The following PSG2 variants were observed in gnomAD, a reference collection of about 807,000 sequenced individuals.
PSG2 encodes pregnancy specific beta-1-glycoprotein 2.
Under a neutral mutation model 36.2 loss-of-function variants are expected in PSG2, and 49 were observed. The ratio of observed to expected loss-of-function variants is 1.35; its 90% CI spans 1.08 to 1.72. The LOEUF is 1.72. Among genes scored for constraint, PSG2 ranks in the 40% most tolerant of loss-of-function variants. The probability of loss-of-function intolerance (pLI) is 0.00; values close to 1 mark genes in which losing one functional copy is unlikely to be tolerated. For synonymous variants in PSG2, 261 were observed against 155.6 expected, an observed-to-expected ratio of 1.68 and a Z score of -5.04; for missense variants, 605 against 407.2, an observed-to-expected ratio of 1.49 and a Z score of -4.18.
chr19:43,079,322 A>G (rs1967938695), intron 2 of PSG2, among the ~76,000 whole-genome samples: 1 of 151,464 alleles, frequency 6.6e-6, no homozygotes. Context: ...AAAGAGCTTC[A>G]GAGTTACATG....
At chr19:43,077,602 A>G (rs1451650223) in intron 2 of PSG2, among the ~76,000 whole-genome samples, 4 of 151,702 alleles carry the variant, frequency 2.6e-5, no homozygotes, top group South Asian at 4.2e-4. Context: ...TCATGAGGAA[A>G]CACTTGTGTG....
intron 3 of PSG2, among the ~76,000 whole-genome samples, chr19:43,072,818 C>T (rs1051580928): frequency 6.6e-5 from 10 of 151,768 alleles, no homozygotes; most frequent in South Asian, 2.1e-4. Context: ...GCCGCCTGCT[C>T]TGTCTTAGGA....
intron 3 of PSG2, 120 bp from the exon 4 acceptor site, chr19:43,072,074 C>T (rs951864095): frequency 2.1e-6 from 3 of 1,445,776 alleles, no homozygotes; most frequent in African/African-American, 2.9e-5. Flanking sequence ...CCAGCAAAAC[C>T]CCCTCTATGT....
intron 2 of PSG2, among the ~76,000 whole-genome samples, chr19:43,077,831 A>G (rs1599710052): frequency 6.6e-6 from 1 of 151,706 alleles, no homozygotes; most frequent in East Asian, 1.9e-4. Flanking sequence ...TTCCTGTTTC[A>G]GTTTTGGAAA....
chr19:43,067,748 G>T (rs1483814175), intron 4 of PSG2, among the ~76,000 whole-genome samples: 2 of 151,294 alleles, frequency 1.3e-5, no homozygotes, highest in Non-Finnish European at 2.9e-5. Context: ...GTGGCATCTT[G>T]TTTCATTGAC....
chr19:43,072,350 C>T lies in PSG2; in HGVS notation c.710-396G>A, dbSNP rs573040639. 3 of 1,612,438 alleles carry T rather than the reference C, an allele frequency of 1.9e-6. No homozygotes were observed. In the South Asian group the frequency reaches 3.3e-5, roughly 18 times the overall value. On this transcript the variant is annotated intron_variant, in intron 3 of 5. Coordinates refer to ENST00000406487, the MANE Select transcript of PSG2 (RefSeq NM_031246.4). ...CTGGCCCACAGAGGAACAAAAGATA[C>T]AGAGGACATTCAGGGTGACTGGGTC...
rs148678692 is a variant in PSG2, at chr19:43,078,879, G to A, written c.430+2002C>T. Reference sequence around the variant, plus strand: ...CTTCCTATCCCTGTCCCATGGTCTTGTCCACAGGTCAGCCTCACAAAGGGG... The same window carrying A: ...CTTCCTATCCCTGTCCCATGGTCTTATCCACAGGTCAGCCTCACAAAGGGG... On this transcript the variant is annotated intron_variant, in intron 2 of 5. Coordinates refer to ENST00000406487, the MANE Select transcript of PSG2 (RefSeq NM_031246.4). Among the ~76,000 whole-genome samples, 36 of 151,728 alleles carry A rather than the reference G, an allele frequency of 2.4e-4. No individual in the cohort carries two copies. The East Asian group carries it at 6.0e-3, about 25-fold the overall frequency.
At chr19:43,076,099 A>G (rs1406590477) in intron 2 of PSG2, among the ~76,000 whole-genome samples, 13 of 151,554 alleles carry the variant, frequency 8.6e-5, no homozygotes, top group Non-Finnish European at 1.8e-4. Context: ...TTGTCTTTAA[A>G]CCCTTTGGGT....
Position 43,080,881 on chromosome 19 carries a change from G to A in PSG2, c.430C>T (p.Leu144=), listed in dbSNP as rs763141119. The A allele has an allele frequency of 1.9e-5, 30 of 1,611,822 alleles. No homozygotes were observed. Among genetic ancestry groups the A allele is most frequent in the African/African-American group, 5.4e-5 (4 of 74,254 alleles). Residue 144 remains leucine, a splice_region_variant and synonymous_variant, in exon 2 of 6, where the codon CTG becomes TTG. Transcript: ENST00000406487. ...VTGYFTFTLY[L]ETPKPSISSS... The stretch of plus-strand genomic sequence containing the variant: ...CCAGGGATCATGTGGAATCACTTAC[G>A]GTATAAGGTGAAGGTGAAATATCCA...
At chr19:43,081,291 T>C in intron 1 of PSG2, 45 bp from the exon 2 acceptor site, 1 of 1,579,094 alleles carries the variant, frequency 6.3e-7, no homozygotes, top group Non-Finnish European at 8.6e-7. Flanking sequence ...ACCTATGTAT[T>C]GGGGTGAAAA....
intron 1 of PSG2, chr19:43,082,282 A>C: frequency 1.6e-6 from 1 of 614,022 alleles, no homozygotes; most frequent in Non-Finnish European, 2.6e-6. Context: ...CTGGAATTAC[A>C]GGAACACACG....
intron 1 of PSG2, 130 bp downstream of exon 1, chr19:43,082,376 G>C (rs1484500207): frequency 4.2e-6 from 6 of 1,415,020 alleles, no homozygotes; most frequent in African/African-American, 2.9e-5. Flanking sequence ...TCCTGATCTC[G>C]TGATCCACCC....
chr19:43,068,246 G>T (rs991173091), intron 4 of PSG2, among the ~76,000 whole-genome samples: 4 of 151,362 alleles, frequency 2.6e-5, no homozygotes, highest in African/African-American at 4.9e-5. Context: ...ACCAGCATAG[G>T]TAACCTGGGG....
chr19:43,067,533 C>T (rs568966198), intron 4 of PSG2, among the ~76,000 whole-genome samples: 1 of 151,524 alleles, frequency 6.6e-6, no homozygotes, highest in Admixed American at 6.6e-5. Context: ...TTCCCTGTAT[C>T]TCATTTAATC....
At chr19:43,078,892 C>T (rs1967933116) in intron 2 of PSG2, among the ~76,000 whole-genome samples, 1 of 151,580 alleles carries the variant, frequency 6.6e-6, no homozygotes, top group Admixed American at 6.6e-5. Context: ...CACAGGTCAG[C>T]CTCACAAAGG....
At position 43,078,677 on chromosome 19, in the gene PSG2, C is replaced by A. The variant is rs551027505; in HGVS notation, c.430+2204G>T. ...GAAACTATCCTTGAAAATCTCTAAG[C>A]CCTGATCCACTGGGGAGGCTGATTT... On this transcript the variant is annotated intron_variant, in intron 2 of 5. Coordinates refer to ENST00000406487, the MANE Select transcript of PSG2 (RefSeq NM_031246.4). 6.1e-4 allele frequency among the ~76,000 whole-genome samples: 92 copies of A among 151,770 alleles called. 2 individuals carry two copies. The highest frequency in any genetic ancestry group is 9.7e-4 in the Non-Finnish European group (66 of 67,974).
intron 3 of PSG2, among the ~76,000 whole-genome samples, chr19:43,074,905 T>C (rs928203113): frequency 2.2e-5 from 3 of 138,848 alleles, no homozygotes; most frequent in Admixed American, 6.9e-5. Context: ...GGGACTTCCC[T>C]TGTATGGTAA....
At chr19:43,067,707 A>C (rs1967759683) in intron 4 of PSG2, among the ~76,000 whole-genome samples, 2 of 151,364 alleles carry the variant, frequency 1.3e-5, no homozygotes, top group South Asian at 4.2e-4. Flanking sequence ...TGATGATAGT[A>C]ATATAGTAGC....
intron 5 of PSG2, chr19:43,065,566 T>C (rs1335719310): frequency 1.3e-5 from 2 of 151,680 alleles, no homozygotes; most frequent in African/African-American, 4.9e-5. Flanking sequence ...GTGATTCCAA[T>C]GTGTAGCTCT....
Sources: allele counts gnomAD v4.1 joint callset (sites outside exome capture counted in the v4.1 genomes callset), GRCh38; gene constraint gnomAD v4.1.1; transcripts MANE v1.5; gene names NCBI Gene and HGNC (gene_info 2026-07-23, HGNC 2026-07-21).